Variants in NR5A2 observed in about 807,000 individuals in gnomAD.
NR5A2 encodes nuclear receptor subfamily 5 group A member 2.
NR5A2 carries 26 observed loss-of-function variants against 62.7 expected under a neutral mutation model. The ratio of observed to expected loss-of-function variants is 0.41; its 90% confidence interval spans 0.30 to 0.58. The LOEUF (loss-of-function observed/expected upper bound fraction) is 0.58. NR5A2 is among the 20% of genes least tolerant of loss of function. The probability of loss-of-function intolerance (pLI) is 0.22; values close to 1 mark genes in which losing one functional copy is unlikely to be tolerated. For synonymous variants in NR5A2, 246 were observed against 241.7 expected (o/e 1.02, Z -0.16); for missense variants, 541 against 669.1 (o/e 0.81, Z 2.11).
intron 7 of NR5A2, among the ~76,000 whole-genome samples, chr1:200,146,441 T>C (rs1667698059): frequency 6.6e-6 from 1 of 152,206 alleles, no homozygotes; most frequent in South Asian, 2.1e-4. Flanking sequence ...TGTGATACAG[T>C]TGTGATTGTA....
intron 1 of NR5A2, chr1:200,038,802 G>C: frequency 7.8e-7 from 1 of 1,283,940 alleles, no homozygotes; most frequent in Non-Finnish European, 1.0e-6. Flanking sequence ...ACATCCCCCC[G>C]CCCCGGGCCA....
At chr1:200,042,753 T>G in intron 2 of NR5A2, 3 of 892,990 alleles carry the variant, frequency 3.4e-6, no homozygotes, top group Admixed American at 6.2e-5. Context: ...TTGACCTGTG[T>G]GGATGTGGAG....
chr1:200,158,287 T>C (rs1363069001), intron 7 of NR5A2, among the ~76,000 whole-genome samples: 3 of 152,228 alleles, frequency 2.0e-5, no homozygotes, highest in Non-Finnish European at 4.4e-5. Context: ...TAATCTATTT[T>C]GTGTGTCTGT....
rs1654462967 is a variant in NR5A2, at chr1:200,177,285, T to A, written c.*3075T>A. 1 of 152,694 alleles carries A rather than the reference T, an allele frequency of 6.5e-6. No individual in the cohort carries two copies. Among genetic ancestry groups the A allele is most frequent in the Non-Finnish European group, 1.5e-5 (1 of 68,042 alleles). 9.5% of individuals were successfully genotyped at this position (152,694 alleles called of 1,614,324 possible). A position where few individuals can be genotyped will look rare whatever the true frequency, so the allele number is the denominator to read the frequency against. On this transcript the variant is annotated 3_prime_UTR_variant, in exon 8 of 8. Coordinates refer to ENST00000367362, the MANE Select transcript of NR5A2 (RefSeq NM_205860.3). ...GCAATGTTTAGAGTGTGAAGTCAGT[T>A]ACTTGTTGATGTTTTCTTACTGTAT...
chr1:200,116,459 G>T (rs767274154), intron 6 of NR5A2, among the ~76,000 whole-genome samples: 11 of 152,158 alleles, frequency 7.2e-5, no homozygotes, highest in Non-Finnish European at 1.5e-4. Context: ...TTTCTCTTAA[G>T]CCCAGTGGCT....
chr1:200,052,527 C>T (rs1437640817), intron 5 of NR5A2, among the ~76,000 whole-genome samples: 2 of 152,090 alleles, frequency 1.3e-5, no homozygotes, highest in African/African-American at 4.8e-5. Context: ...AACTTCACAG[C>T]AAATTACCTA....
chr1:200,174,306 G>T lies in NR5A2; in HGVS notation c.*96G>T. ...AGGAAGAAAAAAAGTACTCTGAACT[G>T]CTCCAAGTAACGCTAATTAAAAACT... On this transcript the variant is annotated 3_prime_UTR_variant, in exon 8 of 8. Coordinates refer to ENST00000367362, the MANE Select transcript of NR5A2 (RefSeq NM_205860.3). 1 of 1,311,474 alleles carries T rather than the reference G, an allele frequency of 7.6e-7. No individual in the cohort carries two copies. The highest frequency in any genetic ancestry group is 1.0e-6 in the Non-Finnish European group (1 of 998,836). 81.2% of individuals were successfully genotyped at this position (1,311,474 alleles called of 1,614,324 possible).
chr1:200,083,554 A>T (rs931944902), intron 5 of NR5A2, among the ~76,000 whole-genome samples: 4 of 152,248 alleles, frequency 2.6e-5, no homozygotes, highest in Non-Finnish European at 5.9e-5. Context: ...AGGCTTCGCC[A>T]TGTGTGTATC....
intron 7 of NR5A2, among the ~76,000 whole-genome samples, chr1:200,136,991 A>G (rs1340781425): frequency 1.3e-5 from 2 of 151,640 alleles, no homozygotes; most frequent in Admixed American, 1.3e-4. Context: ...TTTTTTTGAG[A>G]CAGAGCCTCA....
intron 2 of NR5A2, chr1:200,042,999 G>A: frequency 1.0e-6 from 1 of 985,432 alleles, no homozygotes; most frequent in Non-Finnish European, 1.2e-6. Flanking sequence ...TCGGAAACAT[G>A]TGAGGTTCAT....
At chr1:200,135,886 TC>T (rs1222050741) in intron 7 of NR5A2, among the ~76,000 whole-genome samples, 4 of 152,172 alleles carry the variant, frequency 2.6e-5, no homozygotes, top group African/African-American at 9.7e-5. Context: ...TCAGATACAA[TC>T]TTTGGTTTAC....
chr1:200,034,975 G>C (rs1661708180), intron 1 of NR5A2, among the ~76,000 whole-genome samples: 1 of 151,996 alleles, frequency 6.6e-6, no homozygotes. Context: ...GGCGTGGGCG[G>C]GTAGCCCAGC....
intron 7 of NR5A2, among the ~76,000 whole-genome samples, chr1:200,127,792 T>G (rs1434671859): frequency 2.1e-5 from 3 of 144,708 alleles, no homozygotes; most frequent in Non-Finnish European, 4.5e-5. Context: ...TCTGAAGGTT[T>G]CACAGGGTAG....
intron 5 of NR5A2, among the ~76,000 whole-genome samples, chr1:200,067,169 A>T (rs920336806): frequency 3.3e-5 from 5 of 152,246 alleles, no homozygotes. Flanking sequence ...GAACGAGATC[A>T]TGTCTTTTGC....
rs142412849 is a variant in NR5A2, at chr1:200,176,847, T to C, written c.*2637T>C. ...ATGTTCTCTTATTTTAAAGATACAG[T>C]GCTCCCCACTGAAAATTAAACCTAA... On this transcript the variant is annotated 3_prime_UTR_variant, in exon 8 of 8. Coordinates refer to ENST00000367362, the MANE Select transcript of NR5A2 (RefSeq NM_205860.3). 7 of 152,234 alleles carry C rather than the reference T, an allele frequency of 4.6e-5. No homozygotes were observed. The highest frequency in any genetic ancestry group is 1.7e-4 in the African/African-American group (7 of 41,532). The allele number at this position is 152,234 out of a possible 1,614,324, so 9.4% of individuals were successfully genotyped here.
intron 6 of NR5A2, 143 bp from the exon 7 acceptor site, chr1:200,120,665 C>A: frequency 1.2e-6 from 1 of 835,178 alleles, no homozygotes; most frequent in Non-Finnish European, 1.7e-6. Flanking sequence ...CAAGACCAGT[C>A]TGGTCAAATA....
intron 5 of NR5A2, among the ~76,000 whole-genome samples, chr1:200,095,674 T>A (rs1665056492): frequency 6.6e-6 from 1 of 151,776 alleles, no homozygotes; most frequent in Non-Finnish European, 1.5e-5. Flanking sequence ...TGCCTCAGCC[T>A]CCCGAGTAGC....
intron 5 of NR5A2, among the ~76,000 whole-genome samples, chr1:200,076,313 C>G (rs1208207998): frequency 6.6e-6 from 1 of 152,176 alleles, no homozygotes; most frequent in African/African-American, 2.4e-5. Flanking sequence ...AAGTACCCAG[C>G]CTGCAGTATC....
chr1:200,080,941 C>A (rs1348947371), intron 5 of NR5A2, among the ~76,000 whole-genome samples: 1 of 152,178 alleles, frequency 6.6e-6, no homozygotes, highest in East Asian at 1.9e-4. Flanking sequence ...AATGATTACA[C>A]AGATGTCCTT....
Sources: allele counts gnomAD v4.1 joint callset (sites outside exome capture counted in the v4.1 genomes callset), GRCh38; gene constraint gnomAD v4.1.1; transcripts MANE v1.5; gene names NCBI Gene and HGNC (gene_info 2026-07-23, HGNC 2026-07-21).